GPC6: variants seen among roughly 807,000 people sequenced by gnomAD.
GPC6 encodes the protein glypican-6.
A neutral mutation model predicts 55.2 loss-of-function variants in GPC6; 14 were observed. That is an observed-to-expected ratio of 0.25 (90% CI 0.17 to 0.40). The LOEUF (loss-of-function observed/expected upper bound fraction) is 0.40, where lower values mean the gene tolerates loss of function less well. Ranked by LOEUF, GPC6 falls within the 10% of genes least tolerant of loss-of-function variation. The probability of loss-of-function intolerance (pLI) is 1.00; values close to 1 mark genes in which losing one functional copy is unlikely to be tolerated. For missense variants in GPC6, 641 were observed against 708.5 expected, an observed-to-expected ratio of 0.90 and a Z score of 1.08; for synonymous variants, 278 against 259.6, an observed-to-expected ratio of 1.07 and a Z score of -0.68.
intron 1 of GPC6, among the ~76,000 whole-genome samples, chr13:93,463,745 CTT>C (rs35894535): frequency 6.1e-5 from 9 of 148,588 alleles, no homozygotes; most frequent in South Asian, 4.2e-4. Flanking sequence ...AATGGCTCCA[CTT>C]TTTTTTTTTT....
chr13:93,268,578 G>A (rs922659679), intron 1 of GPC6, among the ~76,000 whole-genome samples: 1 of 152,128 alleles, frequency 6.6e-6, no homozygotes, highest in African/African-American at 2.4e-5. Flanking sequence ...CCAATTCTCG[G>A]TGAATTTAGG....
At chr13:94,223,540 A>G (rs1301055613) in intron 4 of GPC6, among the ~76,000 whole-genome samples, 1 of 152,168 alleles carries the variant, frequency 6.6e-6, no homozygotes, top group African/African-American at 2.4e-5. Flanking sequence ...TGGCACTGCC[A>G]TTCCTTTGCT....
At chr13:94,225,131 C>T (rs1237496921) in intron 4 of GPC6, among the ~76,000 whole-genome samples, 6 of 152,130 alleles carry the variant, frequency 3.9e-5, no homozygotes, top group African/African-American at 1.4e-4. Flanking sequence ...TCTAGGGTGT[C>T]GGCTGTTCTT....
At chr13:93,506,364 G>A (rs950384335) in intron 1 of GPC6, among the ~76,000 whole-genome samples, 1 of 152,162 alleles carries the variant, frequency 6.6e-6, no homozygotes, top group African/African-American at 2.4e-5. Flanking sequence ...TGTTTCCCGT[G>A]CTTTATTCCA....
At chr13:93,844,587 T>G (rs1888099733) in intron 3 of GPC6, among the ~76,000 whole-genome samples, 1 of 150,804 alleles carries the variant, frequency 6.6e-6, no homozygotes, top group African/African-American at 2.4e-5. Flanking sequence ...TCTCCCATGT[T>G]GTAGGTTGCC....
In GPC6 at chr13:93,389,667, G is replaced by A. The variant is rs547099462; in HGVS notation, c.161-155596G>A. On this transcript the variant is annotated intron_variant, in intron 1 of 8. Transcript: ENST00000377047. Reference sequence around the variant, plus strand: ...TTTAATATATGTTAAATATGTACACGTTTATATATGTATACACAAACACAC... The same window carrying A: ...TTTAATATATGTTAAATATGTACACATTTATATATGTATACACAAACACAC... Among the ~76,000 whole-genome samples, 149 of 149,086 alleles carry A rather than the reference G, an allele frequency of 1.0e-3. 1 individual carries two copies. The South Asian group carries it at 0.011, about 11-fold the overall frequency.
chr13:94,094,662 GATTGT>G (rs1338752854), intron 4 of GPC6, among the ~76,000 whole-genome samples: 2 of 152,096 alleles, frequency 1.3e-5, no homozygotes, highest in African/African-American at 4.8e-5. Flanking sequence ...TCAGCTTTAT[GATTGT>G]ATTGTAATTA....
chr13:93,625,816 T>A (rs183767587), intron 2 of GPC6, among the ~76,000 whole-genome samples: 1 of 152,196 alleles, frequency 6.6e-6, no homozygotes, highest in African/African-American at 2.4e-5. Context: ...TTTGGAGGAG[T>A]TAGTATACTT....
intron 3 of GPC6, among the ~76,000 whole-genome samples, chr13:93,891,743 A>G (rs1875695683): frequency 6.6e-6 from 1 of 152,044 alleles, no homozygotes; most frequent in African/African-American, 2.4e-5. Flanking sequence ...GTATGTATAC[A>G]TACACATGTA....
intron 3 of GPC6, among the ~76,000 whole-genome samples, chr13:93,988,536 TC>T (rs1322314430): frequency 1.3e-5 from 2 of 152,184 alleles, no homozygotes; most frequent in African/African-American, 4.8e-5. Flanking sequence ...AAATCCAAGA[TC>T]AAGGTGCCAG....
intron 1 of GPC6, among the ~76,000 whole-genome samples, chr13:93,335,272 T>C (rs1384853250): frequency 1.4e-4 from 22 of 152,252 alleles, no homozygotes; most frequent in Non-Finnish European, 2.9e-5. Context: ...TAATACTTAG[T>C]TGATGCTGAC....
At chr13:93,512,182 G>T (rs1881007440) in intron 1 of GPC6, among the ~76,000 whole-genome samples, 1 of 151,856 alleles carries the variant, frequency 6.6e-6, no homozygotes. Context: ...ATTTCTTTCT[G>T]ATTGCTCTGG....
chr13:94,332,558 C>G (rs1375952988), intron 6 of GPC6, among the ~76,000 whole-genome samples: 1 of 152,210 alleles, frequency 6.6e-6, no homozygotes, highest in Non-Finnish European at 1.5e-5. Context: ...GTGGGGCTGG[C>G]TCAGCCGTTG....
intron 4 of GPC6, among the ~76,000 whole-genome samples, chr13:94,234,623 C>A (rs945500963): frequency 1.1e-4 from 17 of 150,086 alleles, no homozygotes; most frequent in African/African-American, 3.4e-4. Context: ...TAAAGAACTT[C>A]TTGGACCCTT....
rs111748224 is a variant in GPC6 at position 93,633,474 on chromosome 13, C to T, written c.319+88053C>T. Among the ~76,000 whole-genome samples, 4 of 151,888 alleles carry T rather than the reference C, an allele frequency of 2.6e-5. No homozygotes were observed. In the South Asian group the frequency reaches 6.3e-4, roughly 24 times the overall value. ...TAGCCTGGCCAACATGGTGAAAACCCGTCTCTACTAAAAATACAAAAATTA... is the reference window on the plus strand; with the variant it reads ...TAGCCTGGCCAACATGGTGAAAACCTGTCTCTACTAAAAATACAAAAATTA... On this transcript the variant is annotated intron_variant, in intron 2 of 8. Transcript: ENST00000377047.
chr13:93,421,219 G>C (rs1876910275), intron 1 of GPC6, among the ~76,000 whole-genome samples: 1 of 152,096 alleles, frequency 6.6e-6, no homozygotes, highest in Non-Finnish European at 1.5e-5. Context: ...AAAGATTGAA[G>C]AGGAGTTTAT....
Position 93,714,140 on chromosome 13 carries a change from G to C in GPC6, c.320-116014G>C, listed in dbSNP as rs568441112. Among the ~76,000 whole-genome samples the C allele has an allele frequency of 6.8e-4, 104 of 151,960 alleles. 1 individual carries two copies. The highest frequency in any genetic ancestry group is 2.3e-3 in the African/African-American group (96 of 41,502). The stretch of plus-strand genomic sequence containing the variant: ...CATAGCAAAAGAAACCATCAACAGA[G>C]TAAACAGACAACCAACAGAATGGGA... On this transcript the variant is annotated intron_variant, in intron 2 of 8. Coordinates refer to ENST00000377047, the MANE Select transcript of GPC6 (RefSeq NM_005708.5).
At chr13:93,780,176 G>A (rs532579354) in intron 2 of GPC6, among the ~76,000 whole-genome samples, 1 of 152,078 alleles carries the variant, frequency 6.6e-6, no homozygotes, top group Non-Finnish European at 1.5e-5. Context: ...TTTAAAAAAA[G>A]CATTTTTTTC....
chr13:93,844,203 A>T (rs1320425215), intron 3 of GPC6, among the ~76,000 whole-genome samples: 4 of 152,068 alleles, frequency 2.6e-5, no homozygotes, highest in Admixed American at 1.3e-4. Flanking sequence ...CAATGCCACG[A>T]TCTCAGCTCA....
Sources: gnomAD v4.1 joint callset for allele counts (sites outside exome capture counted in the v4.1 genomes callset) on GRCh38, gnomAD v4.1.1 for gene constraint, MANE v1.5 for transcripts, NCBI Gene and HGNC (gene_info 2026-07-23, HGNC 2026-07-21) for gene names.